Variants in ANK3 observed in about 807,000 individuals in gnomAD.
ANK3 encodes ankyrin-3.
In ANK3, 57 loss-of-function variants were observed where a neutral mutation model predicts 370.9. That is an observed-to-expected ratio of 0.15 (90% confidence interval 0.12 to 0.19). The LOEUF is 0.19. Among genes scored for constraint, ANK3 ranks in the 10% least tolerant of loss-of-function variants. ANK3 has a pLI of 1.00. For missense variants in ANK3, 4,439 were observed against 5,302.1 expected (o/e 0.84, Z 5.06); for synonymous variants, 1,929 against 1,946.3 (o/e 0.99, Z 0.23).
At chr10:60,236,531 A>T (rs148732767) in intron 7 of ANK3, among the ~76,000 whole-genome samples, 25 of 152,060 alleles carry the variant, frequency 1.6e-4, no homozygotes, top group Admixed American at 8.5e-4. Context: ...CCACACCTGG[A>T]TTTGACTGAT....
At chr10:60,720,028 G>T (rs537057488) in intron 1 of ANK3, among the ~76,000 whole-genome samples, 1 of 152,090 alleles carries the variant, frequency 6.6e-6, no homozygotes, top group African/African-American at 2.4e-5. Context: ...AATGTTGAAC[G>T]AATTCCCATC....
At chr10:60,186,965 AC>A in intron 16 of ANK3, 53 bp from the exon 17 acceptor site, 3 of 1,518,742 alleles carry the variant, frequency 2.0e-6, no homozygotes, top group Non-Finnish European at 2.7e-6. Flanking sequence ...AAAAATGTGC[AC>A]AGTGCATTTT....
intron 2 of ANK3, among the ~76,000 whole-genome samples, chr10:60,404,727 C>G (rs2063418539): frequency 6.6e-6 from 1 of 151,988 alleles, no homozygotes; most frequent in Non-Finnish European, 1.5e-5. Context: ...AGTTAGACTT[C>G]ATTAAAATTT....
chr10:60,378,539 C>T (rs2061113444), intron 1 of ANK3, among the ~76,000 whole-genome samples: 1 of 152,146 alleles, frequency 6.6e-6, no homozygotes, highest in African/African-American at 2.4e-5. Context: ...AAACTTTAAT[C>T]CACATATCTA....
intron 7 of ANK3, among the ~76,000 whole-genome samples, chr10:60,237,696 C>T (rs1383853648): frequency 6.6e-6 from 1 of 151,724 alleles, no homozygotes; most frequent in Non-Finnish European, 1.5e-5. Flanking sequence ...TATACATGTG[C>T]CATGCTGGTG....
At chr10:60,077,426 T>C (rs1040031076) in intron 36 of ANK3, among the ~76,000 whole-genome samples, 1 of 152,164 alleles carries the variant, frequency 6.6e-6, no homozygotes, top group Admixed American at 6.5e-5. Flanking sequence ...AATGAAGTAA[T>C]ACAATTCGTA....
intron 1 of ANK3, among the ~76,000 whole-genome samples, chr10:60,646,130 C>T (rs1355498258): frequency 6.6e-6 from 1 of 150,846 alleles, no homozygotes; most frequent in East Asian, 1.9e-4. Context: ...TATCAGCAGG[C>T]AGGGAGCCAA....
At chr10:60,119,647 C>G (rs937058581) in intron 25 of ANK3, among the ~76,000 whole-genome samples, 2 of 152,076 alleles carry the variant, frequency 1.3e-5, no homozygotes, top group Admixed American at 1.3e-4. Flanking sequence ...TGGCATGCAC[C>G]TGTAATCCCA....
At chr10:60,204,452 TAATATGAACCCATAAGCCTG>T (rs2096730362) in intron 11 of ANK3, among the ~76,000 whole-genome samples, 1 of 152,208 alleles carries the variant, frequency 6.6e-6, no homozygotes, top group African/African-American at 2.4e-5. Context: ...ACAGGTTGCC[TAATATGAACCCATAAGCCTG>T]ACAATATGGC....
chr10:60,356,011 A>G (rs1260287189), intron 1 of ANK3, among the ~76,000 whole-genome samples: 1 of 152,228 alleles, frequency 6.6e-6, no homozygotes, highest in African/African-American at 2.4e-5. Flanking sequence ...TTAACAGTCT[A>G]GTAACAGCAA....
chr10:60,330,878 A>G (rs2051079244), intron 1 of ANK3, among the ~76,000 whole-genome samples: 1 of 152,196 alleles, frequency 6.6e-6, no homozygotes, highest in East Asian at 1.9e-4. Context: ...AATGCCCATC[A>G]ATGTTAGACT....
chr10:60,684,163 T>C (rs1053204915), intron 1 of ANK3, among the ~76,000 whole-genome samples: 1 of 152,168 alleles, frequency 6.6e-6, no homozygotes. Flanking sequence ...ATAATTATCT[T>C]GGAAGGGAGG....
intron 1 of ANK3, among the ~76,000 whole-genome samples, chr10:60,307,210 T>C (rs988963094): frequency 2.0e-5 from 3 of 152,230 alleles, no homozygotes; most frequent in Non-Finnish European, 2.9e-5. Context: ...GAATTAGCAG[T>C]TGTCAGAGAC....
intron 1 of ANK3, among the ~76,000 whole-genome samples, chr10:60,723,139 A>T (rs16915432): frequency 0.04 from 6,027 of 152,266 alleles, 150 homozygotes; most frequent in South Asian, 0.07. Context: ...CTAATCATAC[A>T]ATTTGATCCT....
At chr10:60,616,295 C>T (rs1240946667) in intron 1 of ANK3, among the ~76,000 whole-genome samples, 1 of 152,080 alleles carries the variant, frequency 6.6e-6, no homozygotes, top group Non-Finnish European at 1.5e-5. Context: ...AATGTAATAG[C>T]TTTGTATAAT....
Position 60,070,018 on chromosome 10 carries a change from C to G in ANK3, c.10863G>C (p.Lys3621Asn). Residue 3621 changes from lysine to asparagine, a missense_variant, in exon 37 of 44, where the codon AAG (lysine) becomes AAC (asparagine). This residue lies in a region of ANK3 where 496 missense variants were observed against 529.3 expected (regional missense o/e 0.94). Coordinates refer to ENST00000280772, the MANE Select transcript of ANK3 (RefSeq NM_020987.5). The surrounding 1 kb of genome is among the most constrained non-coding windows in gnomAD (Gnocchi z 5.7). ...GGAGCCTCTCTTCAACAAAATCCCT[C>G]TTGCTCATGTCAATTGCACCACTGC... ...MTRSGAIDMS[K>N]RDFVEERLQF... 6.2e-7 allele frequency: 1 copy of G among 1,614,132 alleles called. No individual in the cohort carries two copies. Among genetic ancestry groups the G allele is most frequent in the Non-Finnish European group, 8.5e-7 (1 of 1,180,006 alleles).
chr10:60,731,335 G>A (rs1462704204), intron 1 of ANK3, among the ~76,000 whole-genome samples: 1 of 152,158 alleles, frequency 6.6e-6, no homozygotes, highest in Non-Finnish European at 1.5e-5. Context: ...TGTTTCCTTG[G>A]ATTCCAAAAC....
chr10:60,565,407 C>T lies in ANK3; in HGVS notation c.96+49779G>A, dbSNP rs113140595. The stretch of plus-strand genomic sequence containing the variant: ...TAATGTTCACTTGCCTGCCACTGTG[C>T]GGCCCGGTTCCCAACAGGGCAGACT... On this transcript the variant is annotated intron_variant, in intron 2 of 43. Coordinates refer to the ANK3 transcript ENST00000373827. Among the ~76,000 whole-genome samples, 849 of 117,182 alleles carry T rather than the reference C, an allele frequency of 7.2e-3. 12 individuals carry two copies. Among genetic ancestry groups the T allele is most frequent in the Non-Finnish European group, 0.011 (579 of 53,524 alleles). 76.9% of individuals were successfully genotyped at this position (117,182 alleles called of 152,430 possible). A position where few individuals can be genotyped will look rare whatever the true frequency, so the allele number is the denominator to read the frequency against.
At chr10:60,362,621 CA>C (rs1202538436) in intron 1 of ANK3, among the ~76,000 whole-genome samples, 1 of 152,158 alleles carries the variant, frequency 6.6e-6, no homozygotes, top group Non-Finnish European at 1.5e-5. Flanking sequence ...TGCATTTCAT[CA>C]GGGAATGTCC....
Sources: allele counts gnomAD v4.1 joint callset (sites outside exome capture counted in the v4.1 genomes callset), GRCh38; gene constraint gnomAD v4.1.1; regional missense constraint gnomAD v4.1.1; non-coding constraint Gnocchi (gnomAD v3.1); transcripts MANE v1.5; gene names NCBI Gene and HGNC (gene_info 2026-07-23, HGNC 2026-07-21).